UNC13B: variants seen among roughly 807,000 people sequenced by gnomAD.
The protein encoded by UNC13B is unc-13 homolog B.
A neutral mutation model predicts 211.0 loss-of-function variants in UNC13B; 144 were observed. The observed-to-expected ratio is 0.68, with a 90% confidence interval of 0.60 to 0.78. The LOEUF is 0.78. Ranked by LOEUF, UNC13B falls within the 30% of genes least tolerant of loss-of-function variation. UNC13B has a pLI of 0.00. For synonymous variants in UNC13B, 709 were observed against 725.8 expected, an observed-to-expected ratio of 0.98 and a Z score of 0.37; for missense variants, 1,777 against 2,002.0, an observed-to-expected ratio of 0.89 and a Z score of 2.14.
intron 6 of UNC13B, among the ~76,000 whole-genome samples, chr9:35,245,166 A>G (rs1195510601): frequency 6.6e-6 from 1 of 152,126 alleles, no homozygotes; most frequent in African/African-American, 2.4e-5. Flanking sequence ...AGCATGTTGT[A>G]CTTTTCGTTT....
intron 11 of UNC13B, among the ~76,000 whole-genome samples, chr9:35,345,815 T>C (rs947061965): frequency 2.6e-5 from 4 of 152,210 alleles, no homozygotes; most frequent in Non-Finnish European, 5.9e-5. Context: ...TTATGAGGTA[T>C]TGATATGCCC....
chr9:35,289,937 C>T (rs940075002), intron 7 of UNC13B, among the ~76,000 whole-genome samples: 1 of 152,082 alleles, frequency 6.6e-6, no homozygotes, highest in Non-Finnish European at 1.5e-5. Context: ...GATCGTGTCA[C>T]CGCACTCCAA....
intron 21 of UNC13B, among the ~76,000 whole-genome samples, chr9:35,382,752 G>A (rs1167585797): frequency 6.6e-6 from 1 of 151,844 alleles, no homozygotes; most frequent in African/African-American, 2.4e-5. Context: ...TAGTAGAGAT[G>A]GGGGTTTTGC....
chr9:35,350,211 A>G (rs1424813146), intron 11 of UNC13B, among the ~76,000 whole-genome samples: 2 of 152,196 alleles, frequency 1.3e-5, no homozygotes, highest in African/African-American at 2.4e-5. Flanking sequence ...CACATGAGGT[A>G]ATCATCGTCT....
chr9:35,207,478 T>TTTTATTTATTTATTTATTTATTTATTTA (rs56280520), intron 1 of UNC13B, among the ~76,000 whole-genome samples: 2 of 142,978 alleles, frequency 1.4e-5, no homozygotes, highest in African/African-American at 5.2e-5. Flanking sequence ...AGAAATTAAT[T>TTTTATTTATTTATTTATTTATTTATTTA]TTTATTTATT....
chr9:35,243,742 G>A (rs1373986011), intron 6 of UNC13B, among the ~76,000 whole-genome samples: 4 of 151,998 alleles, frequency 2.6e-5, no homozygotes, highest in African/African-American at 9.7e-5. Context: ...TTAGACTATT[G>A]CATTGTTTGT....
chr9:35,397,334 C>G, intron 29 of UNC13B, 24 bp downstream of exon 29: 1 of 1,610,618 alleles, frequency 6.2e-7, no homozygotes, highest in Non-Finnish European at 8.5e-7. Context: ...TTCCTACTCC[C>G]TCCCCCTTAC....
intron 11 of UNC13B, among the ~76,000 whole-genome samples, chr9:35,327,774 G>A (rs1831102488): frequency 6.6e-6 from 1 of 152,204 alleles, no homozygotes; most frequent in Non-Finnish European, 1.5e-5. Context: ...ATGAAAGCAT[G>A]TTCTGGAGCA....
At chr9:35,226,407 C>A (rs1824845179) in intron 1 of UNC13B, among the ~76,000 whole-genome samples, 1 of 152,028 alleles carries the variant, frequency 6.6e-6, no homozygotes, top group African/African-American at 2.4e-5. Context: ...CATATATGCA[C>A]ACACACACAT....
chr9:35,388,329 A>G (rs1315539843), intron 24 of UNC13B, among the ~76,000 whole-genome samples: 1 of 151,950 alleles, frequency 6.6e-6, no homozygotes, highest in African/African-American at 2.4e-5. Flanking sequence ...AATTGCTTGA[A>G]CCCAGGAGGC....
Position 35,301,942 on chromosome 9 carries a change from G to A in UNC13B, c.2538G>A (p.Arg846=), listed in dbSNP as rs1405761134. 5.0e-6 allele frequency: 2 copies of A among 398,640 alleles called. No homozygotes were observed. Among genetic ancestry groups the A allele is most frequent in the East Asian group, 3.6e-5 (1 of 28,074 alleles). 24.7% of individuals were successfully genotyped at this position (398,640 alleles called of 1,614,324 possible). ...AGGTGGAGGAAGATGGTTTAGAAAG[G>A]GGCTCTAAGAAAGATGGTCATTCCT... ...IRQVEEDGLE[R]GSKKDGHSFS... Residue 846 remains arginine, a synonymous_variant, in exon 9 of 40, where the codon AGG becomes AGA. Transcript: ENST00000635942.
intron 23 of UNC13B, 60 bp from the exon 24 acceptor site, chr9:35,386,102 TAGG>T: frequency 1.2e-6 from 2 of 1,607,740 alleles, no homozygotes; most frequent in Non-Finnish European, 1.7e-6. Flanking sequence ...GGGGTAGTGC[TAGG>T]AGAATATCCC....
intron 1 of UNC13B, among the ~76,000 whole-genome samples, chr9:35,180,625 ATTGT>A (rs1474005661): frequency 6.6e-6 from 1 of 152,140 alleles, no homozygotes; most frequent in Non-Finnish European, 1.5e-5. Flanking sequence ...TTTATACTGC[ATTGT>A]TTAATTAAGT....
intron 1 of UNC13B, among the ~76,000 whole-genome samples, chr9:35,191,217 G>A (rs1822642086): frequency 6.6e-6 from 1 of 152,164 alleles, no homozygotes; most frequent in Non-Finnish European, 1.5e-5. Flanking sequence ...CTCCCAAAGT[G>A]CAGGGATTAC....
At chr9:35,378,021 G>A (rs1834554441) in intron 16 of UNC13B, among the ~76,000 whole-genome samples, 1 of 152,094 alleles carries the variant, frequency 6.6e-6, no homozygotes, top group African/African-American at 2.4e-5. Context: ...GCTAACCAGT[G>A]GTTTGCTAAC....
intron 7 of UNC13B, among the ~76,000 whole-genome samples, chr9:35,289,630 G>A (rs1312148617): frequency 6.6e-6 from 1 of 152,066 alleles, no homozygotes; most frequent in Non-Finnish European, 1.5e-5. Flanking sequence ...ACTTTCTCAA[G>A]ATCATATAGC....
Position 35,310,557 on chromosome 9 carries a change from TGAC to T in UNC13B, c.9103_9105del (p.Asp3035del). On this transcript the variant is annotated inframe_deletion, in exon 10 of 40. Transcript: ENST00000635942. The stretch of plus-strand genomic sequence containing the variant: ...AACTAGACCAGTATCACGAACAAGA[TGAC>T]GACCATCGGGAGACGGACTCGATTC... 2.5e-6 allele frequency: 4 copies of T among 1,614,100 alleles called. No individual in the cohort carries two copies. Among genetic ancestry groups the T allele is most frequent in the Non-Finnish European group, 3.4e-6 (4 of 1,180,002 alleles).
In UNC13B at chr9:35,403,446, C is replaced by G; in HGVS notation, c.12584C>G (p.Ala4195Gly). The G allele has an allele frequency of 6.2e-7, 1 of 1,613,520 alleles. No individual in the cohort carries two copies. The highest frequency in any genetic ancestry group is 8.5e-7 in the Non-Finnish European group (1 of 1,179,930). ...GTTTCCCTTGTTTGGGCAGTGGTGGCTGCCAATGACCTCAAGTGGCAGACA... is the reference window on the plus strand; with the variant it reads ...GTTTCCCTTGTTTGGGCAGTGGTGGGTGCCAATGACCTCAAGTGGCAGACA... Reference protein sequence around the residue: ...GEHKVTVKVVAANDLKWQTAG... With the variant: ...GEHKVTVKVVGANDLKWQTAG... The change falls in exon 39 of 40, where the codon GCT (alanine) becomes GGT (glycine). Residue 4195 changes from alanine (A) to glycine (G), a missense_variant. Coordinates refer to ENST00000635942, the MANE Select transcript of UNC13B (RefSeq NM_001371189.2).
At chr9:35,371,191 CCCCTCTT>C (rs1834095482) in intron 13 of UNC13B, among the ~76,000 whole-genome samples, 1 of 151,894 alleles carries the variant, frequency 6.6e-6, no homozygotes, top group Admixed American at 6.6e-5. Context: ...TTCCTAACCA[CCCCTCTT>C]CCCTCTTCCC....
Sources: allele counts gnomAD v4.1 joint callset (sites outside exome capture counted in the v4.1 genomes callset), GRCh38; gene constraint gnomAD v4.1.1; transcripts MANE v1.5; gene names NCBI Gene and HGNC (gene_info 2026-07-23, HGNC 2026-07-21).